The following PARD3B variants were observed in gnomAD, a reference collection of about 807,000 sequenced individuals.
PARD3B encodes the protein partitioning defective 3 homolog B.
Under a neutral mutation model 130.2 loss-of-function variants are expected in PARD3B, and 103 were observed. The ratio of observed to expected loss-of-function variants is 0.79; its 90% confidence interval spans 0.67 to 0.93. The LOEUF (loss-of-function observed/expected upper bound fraction) is 0.93, where lower values mean the gene tolerates loss of function less well. PARD3B is among the 40% of genes least tolerant of loss of function. The pLI is 0.00. For synonymous variants in PARD3B, 583 were observed against 553.2 expected, an observed-to-expected ratio of 1.05 and a Z score of -0.76; for missense variants, 1,609 against 1,499.2, an observed-to-expected ratio of 1.07 and a Z score of -1.21.
chr2:205,445,352 G>A (rs1003556728), intron 20 of PARD3B, among the ~76,000 whole-genome samples: 2 of 152,198 alleles, frequency 1.3e-5, no homozygotes, highest in South Asian at 2.1e-4. Context: ...AATTTACAAA[G>A]AAAAGAGGTT....
At chr2:205,455,699 T>TC (rs1198598918) in intron 20 of PARD3B, among the ~76,000 whole-genome samples, 2 of 151,990 alleles carry the variant, frequency 1.3e-5, no homozygotes, top group Non-Finnish European at 2.9e-5. Flanking sequence ...TTTTCTAGAG[T>TC]CAGAAGTTGC....
rs1315323448 is a variant in PARD3B, at chr2:205,125,630, G to A, written c.1327G>A (p.Gly443Arg). The A allele has an allele frequency of 3.2e-5, 52 of 1,613,850 alleles. No homozygotes were observed. Among genetic ancestry groups the A allele is most frequent in the Non-Finnish European group, 4.1e-5 (48 of 1,179,964 alleles). ...ILEVNGRDVT[G>R]RTQEELVAML... ...TTAGGTAAATGGGAGAGATGTCACC[G>A]GACGAACCCAGGAAGAGCTTGTGGC... is the stretch of plus-strand genomic sequence containing the variant. The change falls in exon 10 of 23, where the codon GGA becomes AGA. Residue 443 changes from glycine (G) to arginine (R), a missense_variant. Gly to Arg is a moderately radical substitution (Grantham distance 125). Transcript: ENST00000406610. The surrounding 1 kb of genome is among the most constrained non-coding windows in gnomAD (Gnocchi z 4.0).
At position 204,776,985 on chromosome 2, in the gene PARD3B, C is replaced by T. The variant is rs576341000; in HGVS notation, c.222+90703C>T. Among the ~76,000 whole-genome samples the T allele has an allele frequency of 1.5e-3, 227 of 152,058 alleles. 1 individual carries two copies. The highest frequency in any genetic ancestry group is 2.6e-3 in the Non-Finnish European group (179 of 67,994). ...TGCCTCTGTGAGAACAAGAAGGAAG[C>T]CAAAGGATTACATCTGAACATTGCA... On this transcript the variant is annotated intron_variant, in intron 2 of 22. Transcript: ENST00000406610.
At chr2:205,155,373 C>T (rs1396368101) in intron 10 of PARD3B, among the ~76,000 whole-genome samples, 2 of 152,130 alleles carry the variant, frequency 1.3e-5, no homozygotes, top group Admixed American at 6.5e-5. Context: ...CCAAAATATA[C>T]ATTGACATAA....
At chr2:204,639,120 A>G (rs2034988499) in intron 1 of PARD3B, among the ~76,000 whole-genome samples, 1 of 152,226 alleles carries the variant, frequency 6.6e-6, no homozygotes, top group Non-Finnish European at 1.5e-5. Flanking sequence ...GCTATAGGAC[A>G]CAGGGATTGG....
chr2:205,465,988 A>T (rs1298669219), intron 20 of PARD3B, among the ~76,000 whole-genome samples: 1 of 152,198 alleles, frequency 6.6e-6, no homozygotes, highest in Non-Finnish European at 1.5e-5. Context: ...AGCAGCTGTG[A>T]CAGAGAAGTG....
rs559819318 is a variant in PARD3B at position 205,250,236 on chromosome 2, T to G, written c.2185+4414T>G. On this transcript the variant is annotated intron_variant, in intron 16 of 22. Transcript: ENST00000406610. ...TTTACTTTTTTTAGTGTCTTCTTTT[T>G]TTTTTGTTTTGATTTACTGCTTGGA... Among the ~76,000 whole-genome samples the G allele has an allele frequency of 3.9e-3, 594 of 152,182 alleles. 6 individuals are homozygous for G. The highest frequency in any genetic ancestry group is 0.014 in the African/African-American group (566 of 41,548).
chr2:205,605,783 T>A (rs1312422405), intron 22 of PARD3B, among the ~76,000 whole-genome samples: 2 of 152,100 alleles, frequency 1.3e-5, no homozygotes, highest in African/African-American at 4.8e-5. Flanking sequence ...GCGAAGGGAG[T>A]GTGCTGCACT....
rs1363136951 is a variant in PARD3B, at chr2:205,452,207, C to G, written c.3044+11535C>G. Among the ~76,000 whole-genome samples the G allele has an allele frequency of 2.0e-5, 3 of 152,192 alleles. No homozygotes were observed. The East Asian group carries it at 5.8e-4, about 29-fold the overall frequency. ...CGACAGTTTGTTAATTTCAGAGATT[C>G]AGCATTTCATTGAGCCATAGCATTG... On this transcript the variant is annotated intron_variant, in intron 20 of 22. Coordinates refer to ENST00000406610, the MANE Select transcript of PARD3B (RefSeq NM_001302769.2).
At chr2:204,617,395 T>G (rs1206912866) in intron 1 of PARD3B, among the ~76,000 whole-genome samples, 3 of 152,204 alleles carry the variant, frequency 2.0e-5, no homozygotes, top group South Asian at 4.1e-4. Context: ...TGCCATCTTT[T>G]TTCTGTTGCT....
chr2:205,180,254 G>C (rs2035713602), intron 13 of PARD3B, among the ~76,000 whole-genome samples: 1 of 150,316 alleles, frequency 6.7e-6, no homozygotes, highest in Non-Finnish European at 1.5e-5. Flanking sequence ...TTCATTGTTA[G>C]AGGCCAGTAG....
chr2:205,221,149 T>G (rs563279549), intron 15 of PARD3B, among the ~76,000 whole-genome samples: 1 of 152,164 alleles, frequency 6.6e-6, no homozygotes, highest in African/African-American at 2.4e-5. Context: ...TCCCACAGAT[T>G]AGTCAAGAGA....
At chr2:204,999,280 G>A (rs1694630654) in intron 3 of PARD3B, among the ~76,000 whole-genome samples, 1 of 152,114 alleles carries the variant, frequency 6.6e-6, no homozygotes, top group Non-Finnish European at 1.5e-5. Flanking sequence ...ACTAAGGAAA[G>A]AAAGGAGATG....
chr2:204,619,486 C>T (rs2034222906), intron 1 of PARD3B, among the ~76,000 whole-genome samples: 2 of 152,058 alleles, frequency 1.3e-5, no homozygotes. Flanking sequence ...TTCACAGCAG[C>T]GTGAGTGACA....
intron 10 of PARD3B, among the ~76,000 whole-genome samples, chr2:205,139,196 A>G (rs2032741294): frequency 6.6e-6 from 1 of 152,226 alleles, no homozygotes; most frequent in East Asian, 1.9e-4. Context: ...TTTAAGAAAA[A>G]CAAAGGCTCA....
chr2:205,030,317 A>G (rs1308370353), intron 3 of PARD3B, among the ~76,000 whole-genome samples: 5 of 152,188 alleles, frequency 3.3e-5, no homozygotes, highest in Non-Finnish European at 5.9e-5. Context: ...GCGACAACCA[A>G]TTAAAACAAG....
chr2:204,916,844 A>G (rs981390536), intron 2 of PARD3B, among the ~76,000 whole-genome samples: 17 of 152,218 alleles, frequency 1.1e-4, no homozygotes, highest in Non-Finnish European at 1.5e-4. Flanking sequence ...CTTTTACAAT[A>G]TGAATTAAAT....
At chr2:205,381,056 TA>T in intron 18 of PARD3B, among the ~76,000 whole-genome samples, 1 of 75,728 alleles carries the variant, frequency 1.3e-5, no homozygotes, top group Non-Finnish European at 2.1e-5. Context: ...ATATTATATA[TA>T]AAGAATATAT....
At chr2:204,607,490 T>A (rs2033768226) in intron 1 of PARD3B, among the ~76,000 whole-genome samples, 1 of 152,160 alleles carries the variant, frequency 6.6e-6, no homozygotes, top group East Asian at 1.9e-4. Flanking sequence ...TCTGTTAAAC[T>A]TGTTAAGTTG....
Sources: gnomAD v4.1 joint callset for allele counts (sites outside exome capture counted in the v4.1 genomes callset) on GRCh38, gnomAD v4.1.1 for gene constraint, Gnocchi (gnomAD v3.1) non-coding constraint, MANE v1.5 for transcripts, NCBI Gene and HGNC (gene_info 2026-07-23, HGNC 2026-07-21) for gene names.